Variants in TOM1L2 observed in about 807,000 individuals in gnomAD.
TOM1L2 encodes target of myb1 like 2 membrane trafficking protein, also known as TOM1-like protein 2.
TOM1L2 carries 31 observed loss-of-function variants against 67.9 expected under a neutral mutation model. The observed-to-expected ratio is 0.46, with a 90% CI of 0.34 to 0.62. The LOEUF is 0.62. TOM1L2 is among the 20% of genes least tolerant of loss of function. TOM1L2 has a pLI of 0.01. For missense variants in TOM1L2, 606 were observed against 663.5 expected (o/e 0.91, Z 0.95); for synonymous variants, 256 against 254.0 (o/e 1.01, Z -0.07).
In TOM1L2 at chr17:17,866,906, A is replaced by T. The variant is rs143182667; in HGVS notation, c.930T>A (p.Ser310=). 411 of 1,614,122 alleles carry T rather than the reference A, an allele frequency of 2.5e-4. No individual in the cohort carries two copies. Among genetic ancestry groups the T allele is most frequent in the Non-Finnish European group, 2.9e-4 (341 of 1,179,964 alleles). ...LRYERFERYR[S]GRSVQNASNG... is the part of the protein sequence containing the mutation. ...TACTGGCATTTTGAACGGATCGGCCAGACCTGTATCGTTCGAACCTAACAG... is the reference window on the plus strand; with the variant it reads ...TACTGGCATTTTGAACGGATCGGCCTGACCTGTATCGTTCGAACCTAACAG... The change falls in exon 9 of 15, where the codon TCT becomes TCA. Residue 310 remains serine (S), a synonymous_variant. Coordinates refer to ENST00000379504, the MANE Select transcript of TOM1L2 (RefSeq NM_001082968.2).
chr17:17,911,052 G>A (rs1004150940), intron 1 of TOM1L2, among the ~76,000 whole-genome samples: 1 of 152,146 alleles, frequency 6.6e-6, no homozygotes, highest in African/African-American at 2.4e-5. Flanking sequence ...AAGCCAAGCC[G>A]CTGGATTGCG....
At chr17:17,888,089 G>C (rs752299702) in intron 4 of TOM1L2, among the ~76,000 whole-genome samples, 3 of 152,176 alleles carry the variant, frequency 2.0e-5, no homozygotes, top group Non-Finnish European at 4.4e-5. Context: ...GGTGGGGGAG[G>C]CTGCCCCCTC....
At chr17:17,926,719 C>A (rs977147864) in intron 1 of TOM1L2, among the ~76,000 whole-genome samples, 3 of 151,780 alleles carry the variant, frequency 2.0e-5, no homozygotes. Flanking sequence ...TTAGCTGGGC[C>A]TGGTAGCACA....
At chr17:17,929,704 G>A (rs2040247791) in intron 1 of TOM1L2, among the ~76,000 whole-genome samples, 1 of 152,144 alleles carries the variant, frequency 6.6e-6, no homozygotes, top group Admixed American at 6.5e-5. Context: ...TAACTTTTTG[G>A]ATAAGATGTT....
At chr17:17,883,223 T>C (rs143793320) in intron 5 of TOM1L2, among the ~76,000 whole-genome samples, 80 of 152,360 alleles carry the variant, frequency 5.3e-4, no homozygotes, top group African/African-American at 1.9e-3. Context: ...GTTTTGCTAA[T>C]CACAGATCTT....
At chr17:17,914,291 G>A (rs1037996209) in intron 1 of TOM1L2, among the ~76,000 whole-genome samples, 2 of 152,196 alleles carry the variant, frequency 1.3e-5, no homozygotes. Flanking sequence ...GCACACTGCT[G>A]TCTCAGTGGC....
At chr17:17,925,146 C>T (rs1400411212) in intron 1 of TOM1L2, among the ~76,000 whole-genome samples, 2 of 152,166 alleles carry the variant, frequency 1.3e-5, no homozygotes, top group Admixed American at 6.5e-5. Flanking sequence ...TACTATGCTT[C>T]CTATACAGCC....
chr17:17,900,563 T>C (rs1471687843), intron 2 of TOM1L2, among the ~76,000 whole-genome samples: 1 of 151,150 alleles, frequency 6.6e-6, no homozygotes, highest in African/African-American at 2.4e-5. Context: ...AAAAAAAGTT[T>C]AAGGAGCAAG....
rs546435234 is a variant in TOM1L2 at position 17,888,256 on chromosome 17, G to A, written c.367-3488C>T. ...CAAGATTAGGGGCTTGGAAGACCCA[G>A]AGGAAGGTCTAATGAGGAGAAAAAA... On this transcript the variant is annotated intron_variant, in intron 4 of 14. Coordinates refer to ENST00000379504, the MANE Select transcript of TOM1L2 (RefSeq NM_001082968.2). 2.0e-5 allele frequency among the ~76,000 whole-genome samples: 3 copies of A among 152,336 alleles called. No individual in the cohort carries two copies. In the East Asian group the frequency reaches 5.8e-4, roughly 29 times the overall value.
At chr17:17,870,880 G>A (rs1475097829) in intron 7 of TOM1L2, among the ~76,000 whole-genome samples, 2 of 152,192 alleles carry the variant, frequency 1.3e-5, no homozygotes, top group African/African-American at 2.4e-5. Context: ...ATCAGCCAGT[G>A]GGGAATCAAA....
At chr17:17,858,087 C>T in intron 12 of TOM1L2, 1 of 403,134 alleles carries the variant, frequency 2.5e-6, no homozygotes, top group Non-Finnish European at 4.5e-6. Flanking sequence ...TACTCCCGTG[C>T]CCTTGGAAAA....
At chr17:17,949,869 TTTTA>T (rs2041115000) in intron 1 of TOM1L2, among the ~76,000 whole-genome samples, 8 of 152,146 alleles carry the variant, frequency 5.3e-5, no homozygotes, top group Middle Eastern at 3.4e-3. Context: ...ATTTTTTAAA[TTTTA>T]TTTATTTATT....
intron 6 of TOM1L2, among the ~76,000 whole-genome samples, chr17:17,880,981 C>T (rs1006639615): frequency 1.3e-5 from 2 of 152,186 alleles, no homozygotes; most frequent in African/African-American, 2.4e-5. Context: ...GGTTCCCACT[C>T]GCTGTGCCAT....
intron 1 of TOM1L2, among the ~76,000 whole-genome samples, chr17:17,968,421 C>CA: frequency 6.6e-6 from 1 of 152,352 alleles, no homozygotes; most frequent in Non-Finnish European, 1.5e-5. Context: ...AATCCTAGCA[C>CA]TTTGGGAGGC....
At chr17:17,943,874 G>C (rs199957406) in intron 1 of TOM1L2, among the ~76,000 whole-genome samples, 5 of 152,214 alleles carry the variant, frequency 3.3e-5, no homozygotes, top group African/African-American at 4.8e-5. Flanking sequence ...CCAAGGTCTA[G>C]CTGCCACAAA....
chr17:17,938,148 A>G (rs1387325759), intron 1 of TOM1L2, among the ~76,000 whole-genome samples: 1 of 152,236 alleles, frequency 6.6e-6, no homozygotes, highest in South Asian at 2.1e-4. Flanking sequence ...GACTACAGGT[A>G]GAAATGAGAG....
intron 1 of TOM1L2, among the ~76,000 whole-genome samples, chr17:17,947,271 G>A (rs1313539331): frequency 6.6e-6 from 1 of 150,406 alleles, no homozygotes; most frequent in African/African-American, 2.5e-5. Context: ...TGATCCTGCT[G>A]CCTCAGCCTC....
intron 2 of TOM1L2, among the ~76,000 whole-genome samples, chr17:17,902,837 T>C (rs2038917489): frequency 6.6e-6 from 1 of 152,348 alleles, no homozygotes. Flanking sequence ...AGATACATCA[T>C]ATATATTTAC....
chr17:17,888,499 CT>C (rs2038105726), intron 4 of TOM1L2, among the ~76,000 whole-genome samples: 1 of 152,228 alleles, frequency 6.6e-6, no homozygotes, highest in African/African-American at 2.4e-5. Context: ...CTGTCAGCTC[CT>C]GCTTATGCCC....
Sources: allele counts gnomAD v4.1 joint callset (sites outside exome capture counted in the v4.1 genomes callset), GRCh38; gene constraint gnomAD v4.1.1; transcripts MANE v1.5; gene names NCBI Gene and HGNC (gene_info 2026-07-23, HGNC 2026-07-21).